The following ACTR5 variants were observed in gnomAD, a reference collection of about 807,000 sequenced individuals.
ACTR5 encodes actin related protein 5, also known as actin-related protein 5.
ACTR5 carries 43 observed loss-of-function variants against 61.2 expected under a neutral mutation model. That is an observed-to-expected ratio of 0.70 (90% CI 0.55 to 0.91). ACTR5 has a LOEUF of 0.91. Ranked by LOEUF, ACTR5 falls within the 40% of genes least tolerant of loss-of-function variation. The probability of loss-of-function intolerance (pLI) is 0.00; values close to 1 mark genes in which losing one functional copy is unlikely to be tolerated. For missense variants in ACTR5, 798 were observed against 782.2 expected, an observed-to-expected ratio of 1.02 and a Z score of -0.24; for synonymous variants, 333 against 310.5, an observed-to-expected ratio of 1.07 and a Z score of -0.76.
chr20:38,754,869 G>T, intron 3 of ACTR5, 88 bp from the exon 4 acceptor site: 1 of 1,363,418 alleles, frequency 7.3e-7, no homozygotes, highest in South Asian at 1.3e-5. Context: ...GATTACAGGC[G>T]TGAGCCCCTG....
intron 8 of ACTR5, among the ~76,000 whole-genome samples, chr20:38,768,384 T>C (rs2084500603): frequency 6.6e-6 from 1 of 152,138 alleles, no homozygotes; most frequent in Non-Finnish European, 1.5e-5. Context: ...CAGCTTGTAA[T>C]CCTACTTACA....
chr20:38,750,036 G>C lies in ACTR5; in HGVS notation c.402G>C (p.Leu134Phe). The C allele has an allele frequency of 6.2e-7, 1 of 1,614,060 alleles. No homozygotes were observed. The highest frequency in any genetic ancestry group is 8.5e-7 in the Non-Finnish European group (1 of 1,180,000). ...GCTGTGTTGATCATCCCATAGTTTT[G>C]ACAGAAGCTGTGTGCAACCCACTGT... ...SQGCVDHPIV[L>F]TEAVCNPLYS... Residue 134 changes from leucine (L) to phenylalanine (F), a missense_variant, in exon 2 of 9, where the codon TTG becomes TTC. By Grantham distance (22) the Leu-to-Phe change is conservative. Transcript: ENST00000243903.
In ACTR5 at chr20:38,750,119, C is replaced by T. The variant is rs141436003; in HGVS notation, c.485C>T (p.Ala162Val). 29 of 1,614,032 alleles carry T rather than the reference C, an allele frequency of 1.8e-5. No individual in the cohort carries two copies. In the African/African-American group the frequency reaches 3.6e-4, roughly 20 times the overall value. The change falls in exon 2 of 9, where the codon GCC (alanine) becomes GTC (valine). Residue 162 changes from alanine to valine, a missense_variant. By Grantham distance (64) the Ala-to-Val change is moderately conservative. Transcript: ENST00000243903. ...GAGTGCTACGGGATTCCCAAGGTTG[C>T]CTATGGAATAGACAGCCTCTTCAGC... ...LFECYGIPKV[A>V]YGIDSLFSFY...
intron 5 of ACTR5, 85 bp from the exon 6 acceptor site, chr20:38,765,317 C>A: frequency 1.1e-6 from 1 of 941,680 alleles, no homozygotes; most frequent in Non-Finnish European, 1.7e-6. Context: ...TGGGCAAGAT[C>A]CCAGTTCTTT....
At chr20:38,770,756 C>T (rs1219105818) in intron 8 of ACTR5, among the ~76,000 whole-genome samples, 1 of 152,220 alleles carries the variant, frequency 6.6e-6, no homozygotes, top group Non-Finnish European at 1.5e-5. Flanking sequence ...TCACAGGCCC[C>T]TTGCCCACGT....
chr20:38,754,622 G>C (rs2084407314), intron 3 of ACTR5, among the ~76,000 whole-genome samples: 1 of 152,138 alleles, frequency 6.6e-6, no homozygotes, highest in South Asian at 2.1e-4. Flanking sequence ...AGGAGGCTGA[G>C]GCAGGAGAAT....
rs867803649 is a variant in ACTR5, at chr20:38,767,336, A to T, written c.1434-128A>T. On this transcript the variant is annotated intron_variant, in intron 7 of 8. Transcript: ENST00000243903. Reference sequence around the variant, plus strand: ...ACACAAATGAAAAATGAAAGTTTTGATTTTTTTTTTTTTTAGCTTTTTGTG... The same window carrying T: ...ACACAAATGAAAAATGAAAGTTTTGTTTTTTTTTTTTTTTAGCTTTTTGTG... The T allele has an allele frequency of 8.5e-3, 5,861 of 689,078 alleles. 17 individuals carry two copies. Among genetic ancestry groups the T allele is most frequent in the Non-Finnish European group, 0.011 (5,235 of 479,182 alleles). 42.7% of individuals were successfully genotyped at this position (689,078 alleles called of 1,614,324 possible).
chr20:38,748,486 C>T lies in ACTR5; in HGVS notation c.8C>T (p.Ala3Val), dbSNP rs1432945716. The change falls in exon 1 of 9, where the codon GCG (alanine) becomes GTG (valine). Residue 3 changes from alanine to valine, a missense_variant. Coordinates refer to ENST00000243903, the MANE Select transcript of ACTR5 (RefSeq NM_024855.4). ...CTGGACGCGCGCTCCAAGATGGCGG[C>T]GAACGTGTTCCCGTTCCGCGACGCC... is the stretch of plus-strand genomic sequence containing the variant. The part of the protein sequence containing the change: MA[A>V]NVFPFRDARA... 2.7e-6 allele frequency: 4 copies of T among 1,487,518 alleles called. No individual in the cohort carries two copies. Among genetic ancestry groups the T allele is most frequent in the Admixed American group, 4.7e-5 (2 of 42,944 alleles). The allele number at this position is 1,487,518 out of a possible 1,614,324, so 92.1% of individuals were successfully genotyped here. A position where few individuals can be genotyped will look rare whatever the true frequency, so the allele number is the denominator to read the frequency against.
intron 6 of ACTR5, 121 bp downstream of exon 6, chr20:38,765,639 C>A: frequency 2.6e-6 from 2 of 758,200 alleles, no homozygotes; most frequent in Non-Finnish European, 4.4e-6. Flanking sequence ...GGTACCAATA[C>A]TTAAAACATC....
chr20:38,768,119 G>A (rs2084499136), intron 8 of ACTR5, among the ~76,000 whole-genome samples: 1 of 152,172 alleles, frequency 6.6e-6, no homozygotes, highest in South Asian at 2.1e-4. Context: ...GCATGATGTC[G>A]TGTACATTCA....
intron 5 of ACTR5, among the ~76,000 whole-genome samples, chr20:38,759,172 T>A (rs994653885): frequency 2.6e-5 from 4 of 152,236 alleles, no homozygotes; most frequent in African/African-American, 9.6e-5. Flanking sequence ...GGGCCAAATA[T>A]AGAAAGTTCT....
chr20:38,769,233 A>G (rs955901478), intron 8 of ACTR5, among the ~76,000 whole-genome samples: 2 of 152,168 alleles, frequency 1.3e-5, no homozygotes, highest in Non-Finnish European at 2.9e-5. Flanking sequence ...CCTGGAAATC[A>G]CTTCCTCCAG....
Position 38,767,474 on chromosome 20 carries a change from G to T in ACTR5, c.1444G>T (p.Asp482Tyr), listed in dbSNP as rs144462138. Reference protein sequence around the residue: ...LQYILDRYPKDIQEMLVQNVF... With the variant: ...LQYILDRYPKYIQEMLVQNVF... ...TTGTTTCTTTCCTAGGTACCCAAAG[G>T]ACATTCAGGAAATGCTGGTTCAGAA... The change falls in exon 8 of 9, where the codon GAC (aspartate) becomes TAC (tyrosine). Residue 482 changes from aspartate to tyrosine, a missense_variant. Physicochemically the swap from Asp to Tyr is radical, Grantham distance 160. Transcript: ENST00000243903. 1 of 1,613,680 alleles carries T rather than the reference G, an allele frequency of 6.2e-7. No homozygotes were observed. Among genetic ancestry groups the T allele is most frequent in the African/African-American group, 1.3e-5 (1 of 74,854 alleles).
intron 1 of ACTR5, among the ~76,000 whole-genome samples, chr20:38,749,620 G>A (rs2084374245): frequency 6.6e-6 from 1 of 152,196 alleles, no homozygotes; most frequent in African/African-American, 2.4e-5. Context: ...ACTGCTGTAT[G>A]GAGAATGAAT....
At chr20:38,755,259 T>G in intron 4 of ACTR5, 85 bp downstream of exon 4, 3 of 1,374,436 alleles carry the variant, frequency 2.2e-6, no homozygotes, top group Non-Finnish European at 2.9e-6. Context: ...CCATTGGCCT[T>G]AAGATGCTTT....
In ACTR5 at chr20:38,771,654, GA is replaced by G. The variant is rs747817023; in HGVS notation, c.1665del (p.Glu556SerfsTer106). The G allele has an allele frequency of 3.7e-6, 6 of 1,614,084 alleles. No individual in the cohort carries two copies. The highest frequency in any genetic ancestry group is 5.1e-6 in the Non-Finnish European group (6 of 1,180,044). On this transcript the variant is annotated frameshift_variant, in exon 9 of 9. Transcript: ENST00000243903. LOFTEE classifies it high-confidence loss of function. Reference protein sequence around the residue: ...LDDNEVWITRKEYEEKGGEYL... With the variant: ...LDDNEVWITRXEYEEKGGEYL... ...ATGATAATGAAGTTTGGATCACCAG[GA>G]AAGAGTATGAAGAAAAGGGAGGAGA...
intron 5 of ACTR5, among the ~76,000 whole-genome samples, chr20:38,759,532 A>T (rs960310749): frequency 1.3e-5 from 2 of 152,192 alleles, no homozygotes; most frequent in Non-Finnish European, 2.9e-5. Flanking sequence ...TTATCTTAAG[A>T]TGGTATGCTT....
chr20:38,755,303 C>T (rs2084413501), intron 4 of ACTR5, 129 bp downstream of exon 4: 1 of 928,292 alleles, frequency 1.1e-6, no homozygotes, highest in Non-Finnish European at 1.6e-6. Flanking sequence ...ACGAAGGAGT[C>T]CAGGGGGATC....
chr20:38,767,322 A>T (rs1275321528), intron 7 of ACTR5, 142 bp from the exon 8 acceptor site: 1 of 795,612 alleles, frequency 1.3e-6, no homozygotes, highest in African/African-American at 1.8e-5. Flanking sequence ...CACAAATGAA[A>T]AATGAAAGTT....
Sources: allele counts gnomAD v4.1 joint callset (sites outside exome capture counted in the v4.1 genomes callset), GRCh38; gene constraint gnomAD v4.1.1; transcripts MANE v1.5; gene names NCBI Gene and HGNC (gene_info 2026-07-23, HGNC 2026-07-21).